CDKN2B-AS1: variants seen among roughly 807,000 people sequenced by gnomAD.
CDKN2B-AS1 encodes CDKN2B and CDKN2A antisense cis and trans regulatory RNA 1, also known as CDKN2B antisense RNA 1 (non-protein coding).
At chr9:22,065,954 ACT>A (rs1824018556) in intron 4 of CDKN2B-AS1, among the ~76,000 whole-genome samples, 2 of 152,022 alleles carry the variant, frequency 1.3e-5, no homozygotes, top group East Asian at 3.9e-4. Flanking sequence ...TCAGGTAGAA[ACT>A]CTGTCTCATG....
chr9:22,073,054 T>C (rs1824360038), intron 4 of CDKN2B-AS1, among the ~76,000 whole-genome samples: 1 of 152,162 alleles, frequency 6.6e-6, no homozygotes, highest in African/African-American at 2.4e-5. Flanking sequence ...CAGTGAAAAT[T>C]GTTTTATATC....
At chr9:22,018,653 AAAAC>A (rs1203143136) in intron 1 of CDKN2B-AS1, among the ~76,000 whole-genome samples, 1 of 152,222 alleles carries the variant, frequency 6.6e-6, no homozygotes, top group Non-Finnish European at 1.5e-5. Context: ...ACTTCATCTA[AAAAC>A]AAACAAAGAA....
chr9:22,103,440 C>A (rs1241089017), intron 4 of CDKN2B-AS1, among the ~76,000 whole-genome samples: 1 of 152,040 alleles, frequency 6.6e-6, no homozygotes, highest in Non-Finnish European at 1.5e-5. Context: ...GAGAGAAGTG[C>A]CTGGCATTCC....
chr9:22,010,556 T>A (rs571009618), intron 1 of CDKN2B-AS1, among the ~76,000 whole-genome samples: 1 of 152,138 alleles, frequency 6.6e-6, no homozygotes, highest in South Asian at 2.1e-4. Flanking sequence ...ATCCCCCAAA[T>A]CCCTGTAGAA....
intron 3 of CDKN2B-AS1, among the ~76,000 whole-genome samples, chr9:22,052,008 A>C (rs1393884579): frequency 6.6e-6 from 1 of 152,176 alleles, no homozygotes; most frequent in Non-Finnish European, 1.5e-5. Flanking sequence ...AGGTTAAATC[A>C]TGACTGTGGT....
At chr9:22,076,301 G>A (rs888747028) in intron 4 of CDKN2B-AS1, among the ~76,000 whole-genome samples, 7 of 152,004 alleles carry the variant, frequency 4.6e-5, no homozygotes, top group Admixed American at 2.0e-4. Flanking sequence ...TGATCCACCC[G>A]CCTGGGCCTC....
In CDKN2B-AS1 at chr9:22,039,788, T is replaced by C. The variant is rs1352748148; in HGVS notation, n.30-6963T>C. Reference sequence around the variant, plus strand: ...TTCATTCCATTTGTTATGGGCTGAATTGTGTTCCCCCGAAATGACTATGCT... The same window carrying C: ...TTCATTCCATTTGTTATGGGCTGAACTGTGTTCCCCCGAAATGACTATGCT... On this transcript the variant is annotated intron_variant and non_coding_transcript_variant, in intron 1 of 4. Coordinates refer to ENST00000650946, the Ensembl canonical transcript of CDKN2B-AS1. This position sits in a 1 kb window ranked among gnomAD's most constrained non-coding sequence, Gnocchi z 4.4. Among the ~76,000 whole-genome samples, 1 of 152,008 alleles carries C rather than the reference T, an allele frequency of 6.6e-6. No homozygotes were observed. The highest frequency in any genetic ancestry group is 2.4e-5 in the African/African-American group (1 of 41,428).
chr9:22,095,805 G>T (rs1825253550), intron 4 of CDKN2B-AS1, among the ~76,000 whole-genome samples: 1 of 150,120 alleles, frequency 6.7e-6, no homozygotes, highest in Admixed American at 6.6e-5. Context: ...AGGATAGTTA[G>T]CTCTTCTTGT....
At chr9:22,092,030 G>A (rs1171835145) in intron 4 of CDKN2B-AS1, among the ~76,000 whole-genome samples, 2 of 152,006 alleles carry the variant, frequency 1.3e-5, no homozygotes, top group East Asian at 3.8e-4. Flanking sequence ...TTTTTAGCAT[G>A]AAGGTTGTTG....
At chr9:22,122,275 C>A (rs949646316) in intron 4 of CDKN2B-AS1, among the ~76,000 whole-genome samples, 7 of 151,762 alleles carry the variant, frequency 4.6e-5, no homozygotes, top group African/African-American at 1.7e-4. Context: ...ATGTTTGAGT[C>A]CCTTATATAT....
rs1381160452 is a variant in CDKN2B-AS1 at position 22,012,362 on chromosome 9, G to C, written n.29+17201G>C. On this transcript the variant is annotated intron_variant and non_coding_transcript_variant, in intron 1 of 4. Coordinates refer to ENST00000650946, the Ensembl canonical transcript of CDKN2B-AS1. ...CCAGAAACAGCCCACCCCGCACCTG[G>C]TGCTGCACCTGCGAGGTGGCATTAT... The C allele has an allele frequency of 2.8e-6, 3 of 1,074,960 alleles. No homozygotes were observed. In the South Asian group the frequency reaches 3.8e-5, roughly 13 times the overall value. The allele number at this position is 1,074,960 out of a possible 1,614,324, so 66.6% of individuals were successfully genotyped here.
At chr9:22,127,920 G>A (rs1818040200) in exon 5 of CDKN2B-AS1, among the ~76,000 whole-genome samples, 1 of 152,110 alleles carries the variant, frequency 6.6e-6, no homozygotes, top group Admixed American at 6.5e-5. Context: ...GGGTTCCAGG[G>A]TCAGACAACT....
At chr9:22,097,347 C>G (rs376319539) in intron 4 of CDKN2B-AS1, 1 of 152,122 alleles carries the variant, frequency 6.6e-6, no homozygotes, top group Non-Finnish European at 1.5e-5. Flanking sequence ...AGTTTAAGAA[C>G]TCAGACCAGT....
chr9:22,039,400 G>C lies in CDKN2B-AS1; in HGVS notation n.30-7351G>C, dbSNP rs1360196322. On this transcript the variant is annotated intron_variant and non_coding_transcript_variant, in intron 1 of 4. Coordinates refer to ENST00000650946, the Ensembl canonical transcript of CDKN2B-AS1. This position sits in a 1 kb window ranked among gnomAD's most constrained non-coding sequence, Gnocchi z 4.4. ...CCTTCACCTTCCTGTGGCAACAAGA[G>C]TCAATTCTCCATATATAAATACTCG... Among the ~76,000 whole-genome samples, 1 of 151,962 alleles carries C rather than the reference G, an allele frequency of 6.6e-6. No individual in the cohort carries two copies. Among genetic ancestry groups the C allele is most frequent in the Non-Finnish European group, 1.5e-5 (1 of 67,962 alleles).
rs550868716 is a variant in CDKN2B-AS1 at position 21,996,880 on chromosome 9, A to G, written n.29+1719A>G. Among the ~76,000 whole-genome samples the G allele has an allele frequency of 3.9e-5, 6 of 152,330 alleles. No homozygotes were observed. The highest frequency in any genetic ancestry group is 1.4e-4 in the African/African-American group (6 of 41,574). ...CTAGACAATGTAACTAGTTGTTGCAATAAAGCATGGTGGGGAAAGGAGAAA... is the reference window on the plus strand; with the variant it reads ...CTAGACAATGTAACTAGTTGTTGCAGTAAAGCATGGTGGGGAAAGGAGAAA... On this transcript the variant is annotated intron_variant and non_coding_transcript_variant, in intron 1 of 4. Transcript: ENST00000650946. The surrounding 1 kb of genome is among the most constrained non-coding windows in gnomAD (Gnocchi z 5.4).
chr9:22,027,613 A>G (rs1237060116), intron 1 of CDKN2B-AS1, among the ~76,000 whole-genome samples: 2 of 152,196 alleles, frequency 1.3e-5, no homozygotes, highest in Non-Finnish European at 2.9e-5. Context: ...TTTGGGGTAC[A>G]GTTCTATGTT....
At chr9:22,029,334 C>T in intron 1 of CDKN2B-AS1, 1 of 738,722 alleles carries the variant, frequency 1.4e-6, no homozygotes, top group Non-Finnish European at 2.5e-6. Flanking sequence ...CATGTGTGGT[C>T]TGAAGTTTAT....
intron 1 of CDKN2B-AS1, among the ~76,000 whole-genome samples, chr9:22,033,746 A>C (rs1822571305): frequency 6.6e-6 from 1 of 152,200 alleles, no homozygotes; most frequent in African/African-American, 2.4e-5. Context: ...TGGTCCAAGA[A>C]GAGACTGAGG....
chr9:22,087,808 C>T (rs1274685671), intron 4 of CDKN2B-AS1, among the ~76,000 whole-genome samples: 4 of 152,120 alleles, frequency 2.6e-5, no homozygotes, highest in Non-Finnish European at 5.9e-5. Flanking sequence ...AACTTTTTCA[C>T]TAACTATAAA....
Sources: gnomAD v4.1 joint callset for allele counts (sites outside exome capture counted in the v4.1 genomes callset) on GRCh38, gnomAD v4.1.1 for gene constraint, Gnocchi (gnomAD v3.1) non-coding constraint, MANE v1.5 for transcripts, NCBI Gene and HGNC (gene_info 2026-07-23, HGNC 2026-07-21) for gene names.